The following HIVEP1 variants were observed in gnomAD, a reference collection of about 807,000 sequenced individuals.
HIVEP1 encodes the protein zinc finger protein 40.
A neutral mutation model predicts 180.0 loss-of-function variants in HIVEP1; 36 were observed. The observed-to-expected ratio is 0.20, with a 90% confidence interval of 0.15 to 0.26. The LOEUF is 0.26. Among genes scored for constraint, HIVEP1 ranks in the 10% least tolerant of loss-of-function variants. The probability of loss-of-function intolerance (pLI) is 1.00; values close to 1 mark genes in which losing one functional copy is unlikely to be tolerated. For missense variants in HIVEP1, 3,143 were observed against 3,268.7 expected (o/e 0.96, Z 0.94); for synonymous variants, 1,239 against 1,239.0 (o/e 1.00, Z 0.00).
At chr6:12,037,648 C>G (rs1769370232) in intron 2 of HIVEP1, 1 of 395,414 alleles carries the variant, frequency 2.5e-6, no homozygotes, top group Non-Finnish European at 4.5e-6. Context: ...TTCCTGTTTT[C>G]TTTTTAAATG....
At chr6:12,190,387 C>T in the HIVEP1 span, among the ~76,000 whole-genome samples, 1 of 152,138 alleles carries the variant, frequency 6.6e-6, no homozygotes, top group African/African-American at 2.4e-5. Context: ...GGCTCATTCC[C>T]GTTTCTTAAA....
chr6:12,108,382 G>A (rs994615398), intron 3 of HIVEP1, among the ~76,000 whole-genome samples: 5 of 152,228 alleles, frequency 3.3e-5, no homozygotes, highest in African/African-American at 4.8e-5. Flanking sequence ...CCCGTGCACT[G>A]CGCCCGCACT....
intron 2 of HIVEP1, among the ~76,000 whole-genome samples, chr6:12,059,650 C>G (rs187852679): frequency 2.0e-5 from 3 of 152,236 alleles, no homozygotes; most frequent in Non-Finnish European, 4.4e-5. Flanking sequence ...TCATGCTTTT[C>G]CCTGAATCTC....
the HIVEP1 span, among the ~76,000 whole-genome samples, chr6:12,186,534 A>C: frequency 1.7e-5 from 2 of 115,944 alleles, no homozygotes; most frequent in Non-Finnish European, 3.6e-5. Flanking sequence ...TTTCACTAAA[A>C]CCATCAAATT....
At chr6:12,094,831 C>G (rs563823395) in intron 3 of HIVEP1, among the ~76,000 whole-genome samples, 44 of 152,018 alleles carry the variant, frequency 2.9e-4, no homozygotes, top group South Asian at 8.3e-4. Flanking sequence ...CTTCTGATTC[C>G]CATGGAGCTG....
At chr6:12,180,653 T>C in the HIVEP1 span, among the ~76,000 whole-genome samples, 1 of 152,236 alleles carries the variant, frequency 6.6e-6, no homozygotes, top group African/African-American at 2.4e-5. Flanking sequence ...TATCAAAATT[T>C]CCATTGAAAG....
At chr6:12,204,988 G>C in the HIVEP1 span, among the ~76,000 whole-genome samples, 1 of 152,154 alleles carries the variant, frequency 6.6e-6, no homozygotes, top group Non-Finnish European at 1.5e-5. Flanking sequence ...GGGAACAACC[G>C]GTGCAAAGGC....
At chr6:12,176,238 T>TG in the HIVEP1 span, among the ~76,000 whole-genome samples, 1 of 150,882 alleles carries the variant, frequency 6.6e-6, no homozygotes, top group East Asian at 1.9e-4. Flanking sequence ...CTTGGGTTTT[T>TG]TTTTTTTTTT....
intron 2 of HIVEP1, among the ~76,000 whole-genome samples, chr6:12,078,784 T>C (rs1264770817): frequency 2.0e-5 from 3 of 147,228 alleles, no homozygotes; most frequent in Non-Finnish European, 4.6e-5. Flanking sequence ...TGACAAGGGG[T>C]GGGGTAGTGG....
intron 1 of HIVEP1, among the ~76,000 whole-genome samples, chr6:12,015,060 G>T (rs1324589703): frequency 1.3e-5 from 2 of 152,318 alleles, no homozygotes; most frequent in Admixed American, 6.5e-5. Context: ...GGAAACACAG[G>T]GAAGCAGAAA....
intron 7 of HIVEP1, among the ~76,000 whole-genome samples, chr6:12,153,068 T>G (rs553132040): frequency 1.1e-4 from 16 of 152,356 alleles, no homozygotes; most frequent in Admixed American, 9.1e-4. Flanking sequence ...ATTCTTAAAC[T>G]TTTATATAAT....
chr6:12,140,092 G>A (rs1430441736), intron 7 of HIVEP1, among the ~76,000 whole-genome samples: 2 of 152,214 alleles, frequency 1.3e-5, no homozygotes, highest in African/African-American at 2.4e-5. Context: ...CGTAGGGGCC[G>A]ACTGACACCT....
At chr6:12,075,132 C>T (rs1287824248) in intron 2 of HIVEP1, among the ~76,000 whole-genome samples, 1 of 152,230 alleles carries the variant, frequency 6.6e-6, no homozygotes, top group African/African-American at 2.4e-5. Flanking sequence ...CTTTCATGCA[C>T]ACGCACAGGC....
At chr6:12,155,220 C>T (rs1403387702) in intron 7 of HIVEP1, among the ~76,000 whole-genome samples, 1 of 152,206 alleles carries the variant, frequency 6.6e-6, no homozygotes, top group Non-Finnish European at 1.5e-5. Flanking sequence ...GAGACTTCCT[C>T]ATTAACCCAA....
At chr6:12,025,099 G>T (rs1045292444) in intron 2 of HIVEP1, among the ~76,000 whole-genome samples, 6 of 152,208 alleles carry the variant, frequency 3.9e-5, no homozygotes. Context: ...ATGTGGAAAT[G>T]AGGCACAGAA....
At chr6:12,162,549 C>T (rs1295690277) in intron 8 of HIVEP1, among the ~76,000 whole-genome samples, 1 of 152,238 alleles carries the variant, frequency 6.6e-6, no homozygotes, top group Non-Finnish European at 1.5e-5. Flanking sequence ...GAGTGAGTCC[C>T]TGCTCTACCT....
intron 2 of HIVEP1, among the ~76,000 whole-genome samples, chr6:12,016,948 G>A (rs187376596): frequency 2.6e-4 from 40 of 152,262 alleles, no homozygotes; most frequent in Non-Finnish European, 7.4e-5. Context: ...CCCTGTTCTA[G>A]TTTGCACAAG....
intron 3 of HIVEP1, among the ~76,000 whole-genome samples, chr6:12,091,611 G>A (rs1240190402): frequency 6.6e-6 from 1 of 152,054 alleles, no homozygotes; most frequent in Admixed American, 6.6e-5. Flanking sequence ...TAATATGGAA[G>A]TAAAGAAACT....
In HIVEP1 at chr6:12,164,469, T is replaced by G. The variant is rs771259857; in HGVS notation, c.*8T>G. 1 of 1,567,400 alleles carries G rather than the reference T, an allele frequency of 6.4e-7. No individual in the cohort carries two copies. Among genetic ancestry groups the G allele is most frequent in the South Asian group, 1.2e-5 (1 of 84,426 alleles). ...CTTGTGATAGCAACCTGATGGATTTTATTTTTTATTTGCTTTTTTTTTATA... is the reference window on the plus strand; with the variant it reads ...CTTGTGATAGCAACCTGATGGATTTGATTTTTTATTTGCTTTTTTTTTATA... On this transcript the variant is annotated 3_prime_UTR_variant, in exon 9 of 9. Coordinates refer to ENST00000379388, the MANE Select transcript of HIVEP1 (RefSeq NM_002114.4).
Sources: gnomAD v4.1 joint callset for allele counts (sites outside exome capture counted in the v4.1 genomes callset) on GRCh38, gnomAD v4.1.1 for gene constraint, MANE v1.5 for transcripts, NCBI Gene and HGNC (gene_info 2026-07-23, HGNC 2026-07-21) for gene names.